Variants in ZNF704 observed in about 807,000 individuals in gnomAD.
ZNF704 encodes glucocorticoid induced gene 1.
A neutral mutation model predicts 44.7 loss-of-function variants in ZNF704; 10 were observed. That is an observed-to-expected ratio of 0.22 (90% CI 0.14 to 0.38). ZNF704 has a LOEUF of 0.38. Ranked by LOEUF, ZNF704 falls within the 10% of genes least tolerant of loss-of-function variation. ZNF704 has a pLI of 1.00. For synonymous variants in ZNF704, 211 were observed against 207.6 expected (o/e 1.02, Z -0.14); for missense variants, 390 against 545.5 (o/e 0.71, Z 2.84).
chr8:80,669,868 A>T (rs1480048478), intron 5 of ZNF704, among the ~76,000 whole-genome samples: 2 of 152,160 alleles, frequency 1.3e-5, no homozygotes, highest in Non-Finnish European at 2.9e-5. Context: ...CTAAACCTTC[A>T]TTTTATCTTT....
In ZNF704 at chr8:80,787,858, T is replaced by A. The variant is rs116333749; in HGVS notation, c.221+33516A>T. ...AAATTATAAAGGAATTTATTTCTTT[T>A]AAAAAATTATCTTGTATAAAATCTT... On this transcript the variant is annotated intron_variant, in intron 2 of 8. Transcript: ENST00000327835. Among the ~76,000 whole-genome samples, 393 of 152,316 alleles carry A rather than the reference T, an allele frequency of 2.6e-3. 1 individual carries two copies. The highest frequency in any genetic ancestry group is 9.1e-3 in the African/African-American group (378 of 41,562).
chr8:80,849,038 C>CT (rs1411437325), intron 1 of ZNF704, among the ~76,000 whole-genome samples: 1 of 152,062 alleles, frequency 6.6e-6, no homozygotes, highest in Non-Finnish European at 1.5e-5. Flanking sequence ...AGATAGATAC[C>CT]TTTAAGCAGC....
intron 2 of ZNF704, among the ~76,000 whole-genome samples, chr8:80,788,946 C>T (rs1196655079): frequency 6.6e-6 from 1 of 152,156 alleles, no homozygotes; most frequent in Non-Finnish European, 1.5e-5. Flanking sequence ...TCCCAAGGAC[C>T]TCTACTTCGA....
intron 1 of ZNF704, among the ~76,000 whole-genome samples, chr8:80,823,036 G>T (rs1225754448): frequency 6.6e-6 from 1 of 152,144 alleles, no homozygotes; most frequent in Non-Finnish European, 1.5e-5. Flanking sequence ...AGAAGACAGG[G>T]GATTTCTGCA....
chr8:80,832,891 A>G (rs1476942354), intron 1 of ZNF704, among the ~76,000 whole-genome samples: 1 of 152,220 alleles, frequency 6.6e-6, no homozygotes, highest in African/African-American at 2.4e-5. Flanking sequence ...ACTTGCTTTC[A>G]TAACACATAA....
intron 2 of ZNF704, among the ~76,000 whole-genome samples, 156 bp from the exon 3 acceptor site, chr8:80,693,263 C>T (rs186376521): frequency 1.3e-5 from 2 of 152,248 alleles, no homozygotes; most frequent in African/African-American, 4.8e-5. Flanking sequence ...AAGCTGAAGC[C>T]CATGAAGTGA....
rs1817646321 is a variant in ZNF704 at position 80,635,101 on chromosome 8, T to C, written c.*6265A>G. On this transcript the variant is annotated 3_prime_UTR_variant, in exon 9 of 9. Coordinates refer to ENST00000327835, the MANE Select transcript of ZNF704 (RefSeq NM_001033723.3). ...GTGTATGGCTGTTCTATCTCAGCTT[T>C]GCTTTTGATGTTATCTGCATACTTG... The C allele has an allele frequency of 6.6e-6, 1 of 152,244 alleles. No homozygotes were observed. Among genetic ancestry groups the C allele is most frequent in the Admixed American group, 6.5e-5 (1 of 15,288 alleles). 9.4% of individuals were successfully genotyped at this position (152,244 alleles called of 1,614,324 possible). A position where few individuals can be genotyped will look rare whatever the true frequency, so the allele number is the denominator to read the frequency against.
At chr8:80,672,168 G>A (rs1034133156) in intron 4 of ZNF704, among the ~76,000 whole-genome samples, 1 of 152,126 alleles carries the variant, frequency 6.6e-6, no homozygotes, top group Admixed American at 6.5e-5. Context: ...GGAAAAAGAC[G>A]CTCAATATCA....
At chr8:80,773,998 A>C (rs1807367726) in intron 2 of ZNF704, among the ~76,000 whole-genome samples, 1 of 150,920 alleles carries the variant, frequency 6.6e-6, no homozygotes, top group African/African-American at 2.4e-5. Flanking sequence ...AATTAAATAA[A>C]ACTGGACATT....
chr8:80,645,730 C>T (rs150822055), intron 7 of ZNF704, among the ~76,000 whole-genome samples: 131 of 152,304 alleles, frequency 8.6e-4, no homozygotes, highest in African/African-American at 2.3e-3. Flanking sequence ...CCTGTACAGC[C>T]TGTAGAGCCA....
At chr8:80,872,735 T>C (rs1809273961) in intron 1 of ZNF704, among the ~76,000 whole-genome samples, 1 of 152,156 alleles carries the variant, frequency 6.6e-6, no homozygotes. Flanking sequence ...CTCCTGAAGA[T>C]ACACAAACGG....
intron 2 of ZNF704, among the ~76,000 whole-genome samples, chr8:80,744,734 T>C (rs1806817026): frequency 6.6e-6 from 1 of 152,162 alleles, no homozygotes; most frequent in African/African-American, 2.4e-5. Flanking sequence ...TAATGGACCA[T>C]CCCTTTTACC....
At chr8:80,854,452 A>C (rs1410446441) in intron 1 of ZNF704, among the ~76,000 whole-genome samples, 2 of 152,244 alleles carry the variant, frequency 1.3e-5, no homozygotes, top group South Asian at 2.1e-4. Context: ...ACTGTACTGC[A>C]AAAGAATATA....
intron 1 of ZNF704, among the ~76,000 whole-genome samples, chr8:80,872,423 G>C (rs974651418): frequency 2.0e-5 from 3 of 152,144 alleles, no homozygotes; most frequent in Admixed American, 1.3e-4. Context: ...TTCAAGCTTT[G>C]AGGAGCTTTT....
chr8:80,846,401 T>TACACAC (rs33922681), intron 1 of ZNF704, among the ~76,000 whole-genome samples: 59 of 148,504 alleles, frequency 4.0e-4, no homozygotes, highest in African/African-American at 9.1e-4. Flanking sequence ...AGAGATTTCA[T>TACACAC]ACACACACAC....
chr8:80,712,177 G>C (rs976981735), intron 2 of ZNF704, among the ~76,000 whole-genome samples: 1 of 152,170 alleles, frequency 6.6e-6, no homozygotes, highest in Non-Finnish European at 1.5e-5. Context: ...GGTTCCTGAG[G>C]AAAAGGACGA....
chr8:80,757,353 T>G (rs540779635), intron 2 of ZNF704, among the ~76,000 whole-genome samples: 2 of 152,088 alleles, frequency 1.3e-5, no homozygotes, highest in Non-Finnish European at 2.9e-5. Flanking sequence ...TTAAAAATTT[T>G]AAAAATGGAA....
chr8:80,665,961 A>T (rs1234700702), intron 5 of ZNF704, among the ~76,000 whole-genome samples: 1 of 149,278 alleles, frequency 6.7e-6, no homozygotes, highest in Non-Finnish European at 1.5e-5. Flanking sequence ...TTTATTTTTT[A>T]TTTATTTATT....
chr8:80,812,399 T>A, intron 2 of ZNF704: 1 of 162,378 alleles, frequency 6.2e-6, no homozygotes, highest in East Asian at 1.7e-4. Context: ...CATGTTCTAC[T>A]TTGATTTTAG....
Sources: allele counts gnomAD v4.1 joint callset (sites outside exome capture counted in the v4.1 genomes callset), GRCh38; gene constraint gnomAD v4.1.1; transcripts MANE v1.5; gene names NCBI Gene and HGNC (gene_info 2026-07-23, HGNC 2026-07-21).